SIK3: variants seen among roughly 807,000 people sequenced by gnomAD.
The protein encoded by SIK3 is SIK family kinase 3.
SIK3 carries 28 observed loss-of-function variants against 144.2 expected under a neutral mutation model. The observed-to-expected ratio is 0.19, with a 90% confidence interval of 0.14 to 0.27. SIK3 has a LOEUF of 0.27. SIK3 is among the 10% of genes least tolerant of loss of function. SIK3 has a pLI of 1.00. For missense variants in SIK3, 1,319 were observed against 1,776.0 expected (o/e 0.74, Z 4.62); for synonymous variants, 686 against 676.3 (o/e 1.01, Z -0.22).
At chr11:116,908,232 C>T (rs1946154080) in intron 4 of SIK3, among the ~76,000 whole-genome samples, 2 of 152,248 alleles carry the variant, frequency 1.3e-5, no homozygotes, top group South Asian at 2.1e-4. Flanking sequence ...TCCCAGCATT[C>T]TGGGAGGCCA....
intron 1 of SIK3, among the ~76,000 whole-genome samples, chr11:116,958,022 T>C (rs1365734471): frequency 6.6e-6 from 1 of 152,176 alleles, no homozygotes; most frequent in Non-Finnish European, 1.5e-5. Context: ...ATACTTAAAA[T>C]ATTTGTGTTG....
At chr11:116,885,606 C>T (rs1035566638) in intron 6 of SIK3, among the ~76,000 whole-genome samples, 1 of 152,194 alleles carries the variant, frequency 6.6e-6, no homozygotes, top group East Asian at 1.9e-4. Flanking sequence ...TAAGAAAATT[C>T]TGCCTCCAGG....
chr11:116,960,747 C>A (rs533169478), intron 1 of SIK3, among the ~76,000 whole-genome samples: 1 of 152,222 alleles, frequency 6.6e-6, no homozygotes, highest in East Asian at 1.9e-4. Context: ...TGGGGATTAA[C>A]AAAGCTAATA....
intron 21 of SIK3, among the ~76,000 whole-genome samples, chr11:116,850,747 G>A (rs547874861): frequency 7.9e-5 from 12 of 152,320 alleles, no homozygotes; most frequent in Admixed American, 2.0e-4. Flanking sequence ...TAGGCCGGGT[G>A]CGTGTAATCC....
At chr11:117,024,755 C>T (rs1425466551) in intron 1 of SIK3, among the ~76,000 whole-genome samples, 2 of 151,906 alleles carry the variant, frequency 1.3e-5, no homozygotes, top group South Asian at 2.1e-4. Context: ...ACAAAAATTA[C>T]CCAGGCGTGG....
At chr11:116,931,018 A>G (rs2135166009) in intron 3 of SIK3, among the ~76,000 whole-genome samples, 1 of 152,358 alleles carries the variant, frequency 6.6e-6, no homozygotes, top group Non-Finnish European at 1.5e-5. Flanking sequence ...TTTCAAAAGT[A>G]AAAAGTAAAA....
At position 116,846,469 on chromosome 11, in the gene SIK3, G is replaced by A. The variant is rs149937038; in HGVS notation, c.4037C>T (p.Thr1346Met). The change falls in exon 24 of 25, where the codon ACG becomes ATG. Residue 1346 changes from threonine to methionine, a missense_variant. By Grantham distance (81) the Thr-to-Met change is moderately conservative. Around this residue, in one of 8 missense-constraint regions of SIK3, gnomAD observed 646 missense variants for 763.7 expected, o/e 0.85. Coordinates refer to ENST00000445177, the MANE Select transcript of SIK3 (RefSeq NM_001366686.3). This position sits in a 1 kb window ranked among gnomAD's most constrained non-coding sequence, Gnocchi z 4.1. ...GCTGAGCAGAATGTCTGTAATACAC[G>A]TAGATGGATAGCAAGAGGAGTTTAA... Reference protein sequence around the residue: ...QHLNSSCYPSTCITDILLSYK... With the variant: ...QHLNSSCYPSMCITDILLSYK... 21 of 1,614,108 alleles carry A rather than the reference G, an allele frequency of 1.3e-5. No individual in the cohort carries two copies. The highest frequency in any genetic ancestry group is 5.3e-5 in the African/African-American group (4 of 74,932).
Position 116,875,861 on chromosome 11 carries a change from C to A in SIK3, c.1239+5G>T. 6.3e-7 allele frequency: 1 copy of A among 1,597,300 alleles called. No individual in the cohort carries two copies. Among genetic ancestry groups the A allele is most frequent in the Non-Finnish European group, 8.5e-7 (1 of 1,175,296 alleles). ...CTGAACTAGGTCACTGGAGTTATTG[C>A]CCACCTGGATATTGACTGGTGCTTG... On this transcript the variant is annotated splice_donor_5th_base_variant and intron_variant, in intron 9 of 24. Transcript: ENST00000445177.
intron 1 of SIK3, among the ~76,000 whole-genome samples, chr11:117,006,147 C>G (rs1951037732): frequency 6.6e-6 from 1 of 152,180 alleles, no homozygotes; most frequent in Non-Finnish European, 1.5e-5. Flanking sequence ...CAGCCTTCCC[C>G]TGGTCTTTGG....
intron 3 of SIK3, among the ~76,000 whole-genome samples, chr11:116,932,765 C>A (rs980318162): frequency 3.9e-5 from 6 of 152,124 alleles, no homozygotes; most frequent in African/African-American, 1.4e-4. Flanking sequence ...CAGAATCATA[C>A]AGTCGGCGAC....
At position 116,849,132 on chromosome 11, in the gene SIK3, G is replaced by C. The variant is rs774414966; in HGVS notation, c.3807C>G (p.Ser1269Arg). The C allele has an allele frequency of 1.3e-6, 2 of 1,598,362 alleles. No homozygotes were observed. Among genetic ancestry groups the C allele is most frequent in the Admixed American group, 3.4e-5 (2 of 58,980 alleles). ...ALQRHHTIQNSDDAYVQLDNL... is the reference protein window; with the variant it reads ...ALQRHHTIQNRDDAYVQLDNL... ...GGGACCAACATACATAAGCATCGTCGCTGTTCTGGATCGTGTGGTGTCTCT... is the reference window on the plus strand; with the variant it reads ...GGGACCAACATACATAAGCATCGTCCCTGTTCTGGATCGTGTGGTGTCTCT... Residue 1269 changes from serine to arginine, a missense_variant, in exon 22 of 25, where the codon AGC becomes AGG. Physicochemically the swap from Ser to Arg is moderately radical, Grantham distance 110. Around this residue, in one of 8 missense-constraint regions of SIK3, gnomAD observed 646 missense variants for 763.7 expected, o/e 0.85. Coordinates refer to ENST00000445177, the MANE Select transcript of SIK3 (RefSeq NM_001366686.3). This position sits in a 1 kb window ranked among gnomAD's most constrained non-coding sequence, Gnocchi z 4.2.
intron 1 of SIK3, among the ~76,000 whole-genome samples, chr11:117,057,557 A>G (rs1056519683): frequency 6.6e-6 from 1 of 152,234 alleles, no homozygotes; most frequent in Admixed American, 6.5e-5. Flanking sequence ...GTCCTAGGCC[A>G]TGGAAATTAA....
In SIK3 at chr11:116,950,424, GTTGT is replaced by G. The variant is rs527852326; in HGVS notation, c.454+3616_454+3619del. 6.7e-4 allele frequency among the ~76,000 whole-genome samples: 102 copies of G among 152,174 alleles called. 2 individuals are homozygous for G. In the South Asian group the frequency reaches 0.019, roughly 29 times the overall value. On this transcript the variant is annotated intron_variant, in intron 3 of 24. Coordinates refer to ENST00000445177, the MANE Select transcript of SIK3 (RefSeq NM_001366686.3). ...GCTAAAGTTCCAAAGCGAAAACTAGGTTGTTATCTGACCTGAGAAATCAGGAGAA... is the reference window on the plus strand; with the variant it reads ...GCTAAAGTTCCAAAGCGAAAACTAGGTATCTGACCTGAGAAATCAGGAGAA...
chr11:116,978,450 C>G (rs1950029621), intron 1 of SIK3, among the ~76,000 whole-genome samples: 1 of 152,068 alleles, frequency 6.6e-6, no homozygotes, highest in South Asian at 2.1e-4. Flanking sequence ...ATATGTATCC[C>G]CAAACAACAT....
chr11:116,969,696 T>C (rs1949701075), intron 1 of SIK3, among the ~76,000 whole-genome samples: 1 of 152,084 alleles, frequency 6.6e-6, no homozygotes, highest in Non-Finnish European at 1.5e-5. Flanking sequence ...ATAAAAATGA[T>C]CATACACAGC....
chr11:116,882,722 T>G (rs969176649), intron 6 of SIK3, among the ~76,000 whole-genome samples: 1 of 152,178 alleles, frequency 6.6e-6, no homozygotes, highest in East Asian at 1.9e-4. Context: ...GTTTCTTATG[T>G]ACTTGGTCCA....
At chr11:116,962,948 T>C (rs553441308) in intron 1 of SIK3, among the ~76,000 whole-genome samples, 1 of 151,424 alleles carries the variant, frequency 6.6e-6, no homozygotes, top group Non-Finnish European at 1.5e-5. Flanking sequence ...CTCTTTCTCT[T>C]GGACGGCACT....
chr11:116,912,754 G>A (rs1301401703), intron 4 of SIK3, among the ~76,000 whole-genome samples: 2 of 152,198 alleles, frequency 1.3e-5, no homozygotes, highest in Non-Finnish European at 2.9e-5. Flanking sequence ...AAAAGCTTCT[G>A]AGGATTCACA....
intron 4 of SIK3, among the ~76,000 whole-genome samples, chr11:116,913,549 C>A (rs1333832738): frequency 2.0e-5 from 3 of 152,006 alleles, no homozygotes; most frequent in African/African-American, 7.3e-5. Context: ...AAACTCAGTA[C>A]TGACTAGATG....
Sources: allele counts gnomAD v4.1 joint callset (sites outside exome capture counted in the v4.1 genomes callset), GRCh38; gene constraint gnomAD v4.1.1; regional missense constraint gnomAD v4.1.1; non-coding constraint Gnocchi (gnomAD v3.1); transcripts MANE v1.5; gene names NCBI Gene and HGNC (gene_info 2026-07-23, HGNC 2026-07-21).